The following CTNNA3 variants were observed in gnomAD, a reference collection of about 807,000 sequenced individuals.
CTNNA3 encodes the protein catenin alpha-3.
A neutral mutation model predicts 95.7 loss-of-function variants in CTNNA3; 76 were observed. The observed-to-expected ratio is 0.79, with a 90% CI of 0.66 to 0.96. CTNNA3 has a LOEUF of 0.96. CTNNA3 is among the 40% of genes least tolerant of loss of function. The probability of loss-of-function intolerance (pLI) is 0.00; values close to 1 mark genes in which losing one functional copy is unlikely to be tolerated. For synonymous variants in CTNNA3, 431 were observed against 374.4 expected (o/e 1.15, Z -1.74); for missense variants, 1,191 against 1,089.8 (o/e 1.09, Z -1.31).
intron 5 of CTNNA3, among the ~76,000 whole-genome samples, chr10:67,273,278 A>C (rs1839058623): frequency 6.6e-6 from 1 of 152,200 alleles, no homozygotes; most frequent in Admixed American, 6.5e-5. Flanking sequence ...CAATAATAAG[A>C]CAAACAACCC....
chr10:67,727,404 A>G (rs1382248199), intron 1 of CTNNA3, among the ~76,000 whole-genome samples: 1 of 132,874 alleles, frequency 7.5e-6, no homozygotes, highest in Non-Finnish European at 1.6e-5. Context: ...ATATAATATG[A>G]TACGTAAGCT....
intron 11 of CTNNA3, among the ~76,000 whole-genome samples, chr10:66,407,106 T>C (rs1316844618): frequency 1.3e-5 from 2 of 152,038 alleles, no homozygotes; most frequent in Non-Finnish European, 2.9e-5. Flanking sequence ...CCAACAGATT[T>C]ATGTGATAGT....
intron 13 of CTNNA3, among the ~76,000 whole-genome samples, chr10:66,218,917 AT>A (rs2088730550): frequency 6.6e-6 from 1 of 152,082 alleles, no homozygotes; most frequent in African/African-American, 2.4e-5. Context: ...AAACTTCCAA[AT>A]TTTTCCTGAC....
intron 13 of CTNNA3, among the ~76,000 whole-genome samples, chr10:66,186,709 AC>A (rs2086363093): frequency 6.6e-6 from 1 of 152,186 alleles, no homozygotes; most frequent in Non-Finnish European, 1.5e-5. Context: ...GTTATTAACT[AC>A]TTGTGCAAAC....
intron 5 of CTNNA3, among the ~76,000 whole-genome samples, chr10:67,469,566 A>G (rs1847739060): frequency 6.6e-6 from 1 of 150,978 alleles, no homozygotes; most frequent in African/African-American, 2.4e-5. Context: ...CAATGAGAAC[A>G]CATGGACACA....
At chr10:66,649,779 C>T (rs1845831402) in intron 9 of CTNNA3, among the ~76,000 whole-genome samples, 1 of 152,216 alleles carries the variant, frequency 6.6e-6, no homozygotes, top group Admixed American at 6.5e-5. Context: ...CAAGCCCTAC[C>T]AGCCCTGGCC....
intron 13 of CTNNA3, among the ~76,000 whole-genome samples, chr10:66,253,362 C>T (rs1229073185): frequency 6.6e-6 from 1 of 151,902 alleles, no homozygotes; most frequent in East Asian, 1.9e-4. Flanking sequence ...TGTTTTCTCA[C>T]CCTCCCTCTT....
chr10:67,283,857 C>T (rs1271076115), intron 5 of CTNNA3, among the ~76,000 whole-genome samples: 3 of 152,152 alleles, frequency 2.0e-5, no homozygotes, highest in South Asian at 2.1e-4. Context: ...CTAACAATAT[C>T]CTTTTGAACA....
At chr10:67,466,408 T>G (rs1847597491) in intron 5 of CTNNA3, among the ~76,000 whole-genome samples, 1 of 152,336 alleles carries the variant, frequency 6.6e-6, no homozygotes, top group South Asian at 2.1e-4. Context: ...GTAGCAATAC[T>G]GTGGTATAAT....
intron 5 of CTNNA3, among the ~76,000 whole-genome samples, chr10:67,412,700 T>A: frequency 6.6e-6 from 1 of 152,050 alleles, no homozygotes; most frequent in Non-Finnish European, 1.5e-5. Context: ...AGGGGCCTAT[T>A]TTCAGTGTCC....
intron 5 of CTNNA3, among the ~76,000 whole-genome samples, chr10:67,482,060 G>A (rs1848254002): frequency 6.6e-6 from 1 of 152,056 alleles, no homozygotes; most frequent in African/African-American, 2.4e-5. Context: ...GATAGTTGTA[G>A]ATATACGGCT....
intron 12 of CTNNA3, among the ~76,000 whole-genome samples, chr10:66,311,759 A>G (rs1415423751): frequency 6.6e-6 from 1 of 152,224 alleles, no homozygotes; most frequent in Non-Finnish European, 1.5e-5. Context: ...GAACTCTTGT[A>G]TATGGAAAAG....
chr10:67,642,978 C>T (rs755097993), intron 2 of CTNNA3, among the ~76,000 whole-genome samples: 2 of 151,440 alleles, frequency 1.3e-5, no homozygotes, highest in Non-Finnish European at 2.9e-5. Context: ...TGGGTATATA[C>T]CCAAAGGAAT....
chr10:67,761,913 G>A (rs1005744262), intron 1 of CTNNA3, among the ~76,000 whole-genome samples: 1 of 151,872 alleles, frequency 6.6e-6, no homozygotes, highest in Admixed American at 6.6e-5. Context: ...GAGTGGCAGG[G>A]AGGAGATCAT....
chr10:65,944,465 T>C (rs770650429), intron 17 of CTNNA3, among the ~76,000 whole-genome samples: 2 of 152,218 alleles, frequency 1.3e-5, no homozygotes, highest in Non-Finnish European at 2.9e-5. Flanking sequence ...TGAAGATTGC[T>C]CTTCCTTCTA....
chr10:67,179,367 A>G (rs1017067696), intron 7 of CTNNA3, among the ~76,000 whole-genome samples: 2 of 151,694 alleles, frequency 1.3e-5, no homozygotes, highest in Non-Finnish European at 2.9e-5. Flanking sequence ...ATAGTTACAG[A>G]CATTCCATAG....
intron 7 of CTNNA3, among the ~76,000 whole-genome samples, chr10:67,022,188 G>C (rs934924488): frequency 6.6e-6 from 1 of 152,092 alleles, no homozygotes; most frequent in Non-Finnish European, 1.5e-5. Context: ...ACTTTGGAAA[G>C]AACATGGAGC....
intron 11 of CTNNA3, among the ~76,000 whole-genome samples, chr10:66,500,615 A>C (rs1840247589): frequency 6.6e-6 from 1 of 152,162 alleles, no homozygotes; most frequent in African/African-American, 2.4e-5. Flanking sequence ...CATAAAGTAC[A>C]TAAATCACTA....
At chr10:66,110,526 A>T (rs1024061690) in intron 13 of CTNNA3, among the ~76,000 whole-genome samples, 1 of 152,138 alleles carries the variant, frequency 6.6e-6, no homozygotes, top group Admixed American at 6.5e-5. Flanking sequence ...ACACAAACAT[A>T]TACACTCAGT....
Sources: gnomAD v4.1 joint callset for allele counts (sites outside exome capture counted in the v4.1 genomes callset) on GRCh38, gnomAD v4.1.1 for gene constraint, MANE v1.5 for transcripts, NCBI Gene and HGNC (gene_info 2026-07-23, HGNC 2026-07-21) for gene names.